Variants in STXBP5L observed in about 807,000 individuals in gnomAD.
STXBP5L encodes syntaxin-binding protein 5-like.
STXBP5L carries 65 observed loss-of-function variants against 144.5 expected under a neutral mutation model. The ratio of observed to expected loss-of-function variants is 0.45; its 90% confidence interval spans 0.37 to 0.55. The LOEUF (loss-of-function observed/expected upper bound fraction) is 0.55. STXBP5L is among the 20% of genes least tolerant of loss of function. The probability of loss-of-function intolerance (pLI) is 0.00; values close to 1 mark genes in which losing one functional copy is unlikely to be tolerated. For missense variants in STXBP5L, 1,298 were observed against 1,405.5 expected (o/e 0.92, Z 1.22); for synonymous variants, 505 against 469.6 (o/e 1.08, Z -0.97).
chr3:121,341,829 A>G (rs2044723969), intron 20 of STXBP5L, among the ~76,000 whole-genome samples: 1 of 151,800 alleles, frequency 6.6e-6, no homozygotes, highest in South Asian at 2.1e-4. Context: ...GAACTCGTGG[A>G]CATAGAGAGA....
chr3:121,125,326 G>T (rs1470877169), intron 7 of STXBP5L, among the ~76,000 whole-genome samples: 1 of 152,008 alleles, frequency 6.6e-6, no homozygotes, highest in African/African-American at 2.4e-5. Flanking sequence ...CAAAAAATTA[G>T]CCTTGTGTGG....
At chr3:121,019,323 G>A (rs1481869230) in intron 3 of STXBP5L, among the ~76,000 whole-genome samples, 3 of 152,060 alleles carry the variant, frequency 2.0e-5, no homozygotes, top group African/African-American at 7.2e-5. Context: ...TAATGCCTTG[G>A]GAGCTGTATT....
At chr3:120,947,303 G>T (rs1710924391) in intron 2 of STXBP5L, among the ~76,000 whole-genome samples, 1 of 151,632 alleles carries the variant, frequency 6.6e-6, no homozygotes, top group African/African-American at 2.4e-5. Flanking sequence ...CATTTTCTTT[G>T]CTCCTTTTTT....
At chr3:121,157,821 AC>A in intron 9 of STXBP5L, 194 bp downstream of exon 9, 1 of 653,048 alleles carries the variant, frequency 1.5e-6, no homozygotes, top group Middle Eastern at 3.9e-4. Flanking sequence ...CTTCCTACCA[AC>A]CCACATCCCT....
chr3:121,384,800 T>C (rs951175637), intron 22 of STXBP5L, among the ~76,000 whole-genome samples: 3 of 152,004 alleles, frequency 2.0e-5, no homozygotes, highest in African/African-American at 7.2e-5. Context: ...AAAATGAAAA[T>C]TCTGCCACTA....
At position 121,299,202 on chromosome 3, in the gene STXBP5L, A is replaced by C. The variant is rs575383612; in HGVS notation, c.2110+19246A>C. The stretch of plus-strand genomic sequence containing the variant: ...CATCTATCATCGTCATTTTTTGAAA[A>C]CAGTATTACTATCTTTTCCCACTAG... On this transcript the variant is annotated intron_variant, in intron 19 of 26. Transcript: ENST00000471454. Among the ~76,000 whole-genome samples, 3 of 152,276 alleles carry C rather than the reference A, an allele frequency of 2.0e-5. No homozygotes were observed. In the South Asian group the frequency reaches 6.2e-4, roughly 32 times the overall value.
chr3:121,226,346 G>A (rs979000389), intron 11 of STXBP5L, among the ~76,000 whole-genome samples: 3 of 152,148 alleles, frequency 2.0e-5, no homozygotes, highest in African/African-American at 7.2e-5. Context: ...AAAAAGAACT[G>A]CATAGTTTGC....
chr3:121,399,624 C>T (rs2046821604), intron 22 of STXBP5L, among the ~76,000 whole-genome samples: 1 of 152,190 alleles, frequency 6.6e-6, no homozygotes, highest in Non-Finnish European at 1.5e-5. Context: ...ATAAGTTGGG[C>T]TAGTTAACAG....
intron 19 of STXBP5L, among the ~76,000 whole-genome samples, chr3:121,313,533 A>AT (rs1553764857): frequency 8.8e-5 from 1 of 11,368 alleles, no homozygotes; most frequent in Non-Finnish European, 1.6e-4. Flanking sequence ...GGAGCCCCTC[A>AT]CTCCCGGACG....
intron 18 of STXBP5L, among the ~76,000 whole-genome samples, chr3:121,276,950 T>G (rs1313305837): frequency 6.6e-6 from 1 of 152,040 alleles, no homozygotes; most frequent in African/African-American, 2.4e-5. Context: ...CTTTTGTTCT[T>G]CCTTTATGAA....
chr3:120,992,664 A>G (rs971004601), intron 3 of STXBP5L, among the ~76,000 whole-genome samples: 2 of 152,056 alleles, frequency 1.3e-5, no homozygotes, highest in African/African-American at 4.8e-5. Flanking sequence ...AATAGATTTC[A>G]TTTTGTATAT....
chr3:121,191,039 G>A (rs528349964), intron 9 of STXBP5L, among the ~76,000 whole-genome samples: 51 of 150,918 alleles, frequency 3.4e-4, no homozygotes, highest in Middle Eastern at 6.9e-3. Flanking sequence ...GGGAAGAGGC[G>A]CTCCTCACTT....
chr3:120,988,685 A>G (rs994250768), intron 3 of STXBP5L, among the ~76,000 whole-genome samples: 3 of 152,036 alleles, frequency 2.0e-5, no homozygotes, highest in South Asian at 4.1e-4. Flanking sequence ...TTTTTTAGAG[A>G]TGAAAGGGGT....
chr3:121,028,028 T>A (rs1946076184), intron 3 of STXBP5L, among the ~76,000 whole-genome samples: 1 of 152,112 alleles, frequency 6.6e-6, no homozygotes, highest in African/African-American at 2.4e-5. Context: ...TAATCTGTTC[T>A]GGAAATAAAA....
At chr3:121,051,797 G>A (rs760498414) in intron 5 of STXBP5L, among the ~76,000 whole-genome samples, 2 of 152,092 alleles carry the variant, frequency 1.3e-5, no homozygotes, top group Non-Finnish European at 2.9e-5. Context: ...ATGAAGCCAG[G>A]AGCTGGTTTT....
At chr3:121,350,323 G>A (rs372234006) in intron 20 of STXBP5L, among the ~76,000 whole-genome samples, 6 of 152,186 alleles carry the variant, frequency 3.9e-5, no homozygotes, top group Non-Finnish European at 7.3e-5. Flanking sequence ...TGTGCTGAGA[G>A]ATCAGCTGTT....
intron 9 of STXBP5L, among the ~76,000 whole-genome samples, chr3:121,165,484 G>A (rs763449049): frequency 3.1e-4 from 47 of 151,946 alleles, no homozygotes; most frequent in African/African-American, 9.7e-4. Flanking sequence ...AATTTTATCC[G>A]TACCTTTGAT....
chr3:120,978,497 C>T (rs556968481), intron 3 of STXBP5L, among the ~76,000 whole-genome samples: 10 of 152,258 alleles, frequency 6.6e-5, no homozygotes, highest in Non-Finnish European at 1.0e-4. Flanking sequence ...TGAATTTCCT[C>T]CTGTAGCTCG....
chr3:121,150,225 C>G (rs761864814), intron 7 of STXBP5L, among the ~76,000 whole-genome samples: 21 of 151,980 alleles, frequency 1.4e-4, no homozygotes, highest in Non-Finnish European at 2.8e-4. Flanking sequence ...CTAATGATAT[C>G]ATGGTGAAGA....
Sources: allele counts gnomAD v4.1 joint callset (sites outside exome capture counted in the v4.1 genomes callset), GRCh38; gene constraint gnomAD v4.1.1; transcripts MANE v1.5; gene names NCBI Gene and HGNC (gene_info 2026-07-23, HGNC 2026-07-21).